GALNTL6: variants seen among roughly 807,000 people sequenced by gnomAD.
GALNTL6 encodes the protein polypeptide N-acetylgalactosaminyltransferase like 6.
A neutral mutation model predicts 73.7 loss-of-function variants in GALNTL6; 46 were observed. The observed-to-expected ratio is 0.62, with a 90% confidence interval of 0.49 to 0.80. The LOEUF (loss-of-function observed/expected upper bound fraction) is 0.80, where lower values mean the gene tolerates loss of function less well. Among genes scored for constraint, GALNTL6 ranks in the 30% least tolerant of loss-of-function variants. The probability of loss-of-function intolerance (pLI) is 0.00; values close to 1 mark genes in which losing one functional copy is unlikely to be tolerated. For missense variants in GALNTL6, 604 were observed against 755.0 expected (o/e 0.80, Z 2.34); for synonymous variants, 259 against 263.7 (o/e 0.98, Z 0.17).
intron 5 of GALNTL6, among the ~76,000 whole-genome samples, chr4:172,372,406 A>G (rs1453808240): frequency 6.6e-6 from 1 of 152,184 alleles, no homozygotes; most frequent in East Asian, 1.9e-4. Context: ...GGCACCTAGT[A>G]TGCCATTGAC....
chr4:172,548,706 A>G (rs1289974404), intron 5 of GALNTL6, among the ~76,000 whole-genome samples: 1 of 152,208 alleles, frequency 6.6e-6, no homozygotes, highest in Admixed American at 6.5e-5. Flanking sequence ...AACAAATGTA[A>G]AGAGCAACTA....
intron 2 of GALNTL6, among the ~76,000 whole-genome samples, chr4:171,828,614 C>T (rs977943275): frequency 6.6e-6 from 1 of 151,968 alleles, no homozygotes; most frequent in African/African-American, 2.4e-5. Context: ...TTCCTCATGC[C>T]TTTTTTGTTG....
chr4:172,032,479 TATC>T lies in GALNTL6; in HGVS notation c.139-197174_139-197172del, dbSNP rs368105848. The stretch of plus-strand genomic sequence containing the variant: ...AATATGTAAGCTCTGAAGAGAATGT[TATC>T]ATTGACTATAATATGGGCTGATGGT... On this transcript the variant is annotated intron_variant, in intron 2 of 12. Transcript: ENST00000506823. 1.2e-4 allele frequency among the ~76,000 whole-genome samples: 19 copies of T among 152,248 alleles called. No homozygotes were observed. In the East Asian group the frequency reaches 3.7e-3, roughly 29 times the overall value.
intron 2 of GALNTL6, among the ~76,000 whole-genome samples, chr4:172,129,701 T>C (rs72700938): frequency 0.021 from 3,183 of 152,276 alleles, 34 homozygotes; most frequent in Non-Finnish European, 0.031. Flanking sequence ...AGAAGAGACA[T>C]GCCTCACAGA....
Position 172,969,355 on chromosome 4 carries a change from A to G in GALNTL6, c.1371+17097A>G, listed in dbSNP as rs188540265. On this transcript the variant is annotated intron_variant, in intron 10 of 12. Coordinates refer to ENST00000506823, the MANE Select transcript of GALNTL6 (RefSeq NM_001034845.3). The stretch of plus-strand genomic sequence containing the variant: ...GTCAATGATTTGGAACAATAAGTGA[A>G]GGAGATTCAACATAAAATTCCCAAA... Among the ~76,000 whole-genome samples, 319 of 152,266 alleles carry G rather than the reference A, an allele frequency of 2.1e-3. 2 individuals are homozygous for G. Among genetic ancestry groups the G allele is most frequent in the African/African-American group, 7.2e-3 (300 of 41,570 alleles).
intron 11 of GALNTL6, among the ~76,000 whole-genome samples, chr4:173,019,201 C>T (rs917689507): frequency 6.6e-6 from 1 of 152,150 alleles, no homozygotes; most frequent in Non-Finnish European, 1.5e-5. Context: ...GGGGCAGGAA[C>T]AAGGCAGAAG....
chr4:172,324,846 A>G (rs893901059), intron 4 of GALNTL6, among the ~76,000 whole-genome samples: 3 of 151,202 alleles, frequency 2.0e-5, no homozygotes, highest in Non-Finnish European at 3.0e-5. Context: ...ATATAAAACT[A>G]TATAGCTTAG....
intron 2 of GALNTL6, among the ~76,000 whole-genome samples, chr4:171,865,807 T>C (rs2110886357): frequency 6.6e-6 from 1 of 152,330 alleles, no homozygotes; most frequent in East Asian, 1.9e-4. Flanking sequence ...TGAATGCCCT[T>C]GCTGAAATCA....
At chr4:172,565,069 C>G (rs537077734) in intron 5 of GALNTL6, among the ~76,000 whole-genome samples, 4 of 152,284 alleles carry the variant, frequency 2.6e-5, no homozygotes, top group African/African-American at 9.6e-5. Context: ...ACAGATGGTG[C>G]CTTGTTGCTG....
intron 2 of GALNTL6, among the ~76,000 whole-genome samples, chr4:171,833,306 A>G (rs1007136355): frequency 2.6e-5 from 4 of 151,764 alleles, no homozygotes; most frequent in Middle Eastern, 3.4e-3. Context: ...CTGACAACAA[A>G]TGGTATCTGT....
chr4:172,088,616 A>G (rs959921136), intron 2 of GALNTL6, among the ~76,000 whole-genome samples: 1 of 152,206 alleles, frequency 6.6e-6, no homozygotes, highest in African/African-American at 2.4e-5. Context: ...TTTGATTTGG[A>G]ACAAAGTCTG....
intron 7 of GALNTL6, among the ~76,000 whole-genome samples, chr4:172,862,511 A>T (rs1445868233): frequency 1.7e-4 from 26 of 152,204 alleles, no homozygotes; most frequent in Admixed American, 1.7e-3. Flanking sequence ...AGCCTGGCCA[A>T]TATGGTGAAA....
chr4:172,356,670 C>A (rs895585579), intron 5 of GALNTL6, among the ~76,000 whole-genome samples: 6 of 152,092 alleles, frequency 3.9e-5, no homozygotes, highest in Non-Finnish European at 5.9e-5. Flanking sequence ...GGAATAAATT[C>A]ATATTAGAAT....
intron 5 of GALNTL6, among the ~76,000 whole-genome samples, chr4:172,618,763 T>G (rs1181515528): frequency 6.6e-6 from 1 of 152,120 alleles, no homozygotes; most frequent in Admixed American, 6.5e-5. Flanking sequence ...CTCACTTTGT[T>G]GCAAGGCTGG....
At chr4:172,520,500 C>A (rs540771069) in intron 5 of GALNTL6, among the ~76,000 whole-genome samples, 2 of 148,936 alleles carry the variant, frequency 1.3e-5, no homozygotes, top group African/African-American at 4.9e-5. Context: ...TTCATTCATT[C>A]TTTTTTTACT....
At chr4:172,759,538 T>C (rs1363760923) in intron 5 of GALNTL6, among the ~76,000 whole-genome samples, 1 of 152,208 alleles carries the variant, frequency 6.6e-6, no homozygotes, top group Non-Finnish European at 1.5e-5. Flanking sequence ...GGTAAGACTG[T>C]AGTCAACAAT....
chr4:172,134,881 A>G (rs969782463), intron 2 of GALNTL6, among the ~76,000 whole-genome samples: 3 of 152,188 alleles, frequency 2.0e-5, no homozygotes, highest in Admixed American at 6.5e-5. Context: ...TGGCGTGTAA[A>G]TGAAGAAAAA....
chr4:172,050,681 C>T (rs892936262), intron 2 of GALNTL6, among the ~76,000 whole-genome samples: 1 of 152,114 alleles, frequency 6.6e-6, no homozygotes, highest in Non-Finnish European at 1.5e-5. Context: ...TTCTAACTTC[C>T]TTGCCTATTA....
chr4:172,366,825 A>G (rs948004922), intron 5 of GALNTL6, among the ~76,000 whole-genome samples: 1 of 152,334 alleles, frequency 6.6e-6, no homozygotes, highest in South Asian at 2.1e-4. Context: ...TTGTCCAAAA[A>G]GAGAATGAAT....
Sources: gnomAD v4.1 joint callset for allele counts (sites outside exome capture counted in the v4.1 genomes callset) on GRCh38, gnomAD v4.1.1 for gene constraint, MANE v1.5 for transcripts, NCBI Gene and HGNC (gene_info 2026-07-23, HGNC 2026-07-21) for gene names.